The following HS3ST3A1 variants were observed in gnomAD, a reference collection of about 807,000 sequenced individuals.
HS3ST3A1 encodes heparan sulfate glucosamine 3-O-sulfotransferase 3A1.
In HS3ST3A1, 19 loss-of-function variants were observed where a neutral mutation model predicts 25.7. That is an observed-to-expected ratio of 0.74 (90% confidence interval 0.52 to 1.08). The LOEUF is 1.08. Ranked by LOEUF, HS3ST3A1 falls within the 50% of genes least tolerant of loss-of-function variation. HS3ST3A1 has a pLI of 0.00. For missense variants in HS3ST3A1, 459 were observed against 594.3 expected, an observed-to-expected ratio of 0.77 and a Z score of 2.37; for synonymous variants, 226 against 278.6, an observed-to-expected ratio of 0.81 and a Z score of 1.88.
intron 1 of HS3ST3A1, among the ~76,000 whole-genome samples, chr17:13,580,757 G>A (rs1908089914): frequency 6.6e-6 from 1 of 152,114 alleles, no homozygotes; most frequent in Middle Eastern, 3.2e-3. Context: ...CGGACGTGGT[G>A]ACACATGCCT....
At chr17:13,508,522 T>C (rs1303324806) in intron 1 of HS3ST3A1, among the ~76,000 whole-genome samples, 1 of 152,224 alleles carries the variant, frequency 6.6e-6, no homozygotes, top group Non-Finnish European at 1.5e-5. Flanking sequence ...TTCTCTTTCA[T>C]TGACTCTTAG....
At chr17:13,562,785 C>G (rs1907581782) in intron 1 of HS3ST3A1, among the ~76,000 whole-genome samples, 1 of 152,090 alleles carries the variant, frequency 6.6e-6, no homozygotes, top group South Asian at 2.1e-4. Context: ...CAGGAGCCAG[C>G]GTTTATGAAG....
intron 1 of HS3ST3A1, among the ~76,000 whole-genome samples, chr17:13,562,413 G>A (rs988659522): frequency 7.2e-5 from 11 of 152,126 alleles, no homozygotes; most frequent in African/African-American, 1.9e-4. Context: ...GGGCACACAC[G>A]AGGGACAGCG....
At chr17:13,575,309 G>A (rs1598430707) in intron 1 of HS3ST3A1, among the ~76,000 whole-genome samples, 1 of 152,158 alleles carries the variant, frequency 6.6e-6, no homozygotes, top group African/African-American at 2.4e-5. Flanking sequence ...TAATGGATGA[G>A]GTCAGAAAGA....
intron 1 of HS3ST3A1, among the ~76,000 whole-genome samples, chr17:13,566,172 G>A (rs115670948): frequency 6.6e-6 from 1 of 152,118 alleles, no homozygotes; most frequent in Non-Finnish European, 1.5e-5. Context: ...ATGCTCACAT[G>A]CTGTGTCTCT....
intron 1 of HS3ST3A1, among the ~76,000 whole-genome samples, chr17:13,528,180 G>A (rs34480904): frequency 0.11 from 16,137 of 152,202 alleles, 1,048 homozygotes; most frequent in Non-Finnish European, 0.15. Flanking sequence ...GTAATGTGAA[G>A]GCTGCACTGC....
In HS3ST3A1 at chr17:13,589,812, C is replaced by T. The variant is rs912482712; in HGVS notation, c.599+10719G>A. On this transcript the variant is annotated intron_variant, in intron 1 of 1. Transcript: ENST00000284110. Reference sequence around the variant, plus strand: ...ACATGGCTTCCGTTTAGAAAGGTGACGAGGGGAGCAGTTAGCTCCGGGAAT... The same window carrying T: ...ACATGGCTTCCGTTTAGAAAGGTGATGAGGGGAGCAGTTAGCTCCGGGAAT... Among the ~76,000 whole-genome samples the T allele has an allele frequency of 3.9e-5, 6 of 152,234 alleles. No homozygotes were observed. In the South Asian group the frequency reaches 6.2e-4, roughly 16 times the overall value.
intron 1 of HS3ST3A1, among the ~76,000 whole-genome samples, chr17:13,579,109 A>T (rs1290219806): frequency 6.6e-6 from 1 of 152,132 alleles, no homozygotes; most frequent in Non-Finnish European, 1.5e-5. Flanking sequence ...TTTTAATGAA[A>T]TTTTTTGTCT....
At chr17:13,546,953 C>T (rs574314834) in intron 1 of HS3ST3A1, among the ~76,000 whole-genome samples, 1 of 152,310 alleles carries the variant, frequency 6.6e-6, no homozygotes, top group African/African-American at 2.4e-5. Context: ...CAGTATAAAA[C>T]TTCATATGGT....
chr17:13,529,473 A>C (rs1204560072), intron 1 of HS3ST3A1, among the ~76,000 whole-genome samples: 1 of 152,152 alleles, frequency 6.6e-6, no homozygotes, highest in African/African-American at 2.4e-5. Context: ...AAATTACCAA[A>C]CTGCATTCCA....
At chr17:13,519,756 A>G (rs1567612783) in intron 1 of HS3ST3A1, among the ~76,000 whole-genome samples, 1 of 152,078 alleles carries the variant, frequency 6.6e-6, no homozygotes, top group Non-Finnish European at 1.5e-5. Context: ...AAATTTAATT[A>G]TTGTTTTAAT....
chr17:13,519,454 T>C (rs1342000470), intron 1 of HS3ST3A1, among the ~76,000 whole-genome samples: 1 of 152,184 alleles, frequency 6.6e-6, no homozygotes, highest in Non-Finnish European at 1.5e-5. Context: ...ATTATGTCTA[T>C]TTTGAAGAGG....
chr17:13,551,611 C>T (rs1317202892), intron 1 of HS3ST3A1, among the ~76,000 whole-genome samples: 1 of 94,000 alleles, frequency 1.1e-5, no homozygotes, highest in Non-Finnish European at 2.3e-5. Flanking sequence ...AAATTTCATT[C>T]CAAGAAAAAA....
intron 1 of HS3ST3A1, among the ~76,000 whole-genome samples, chr17:13,587,369 G>T (rs143624952): frequency 6.6e-6 from 1 of 152,174 alleles, no homozygotes; most frequent in Non-Finnish European, 1.5e-5. Context: ...CAGGAGAATC[G>T]CTTGAACCCA....
chr17:13,563,634 A>T (rs1567624800), intron 1 of HS3ST3A1, among the ~76,000 whole-genome samples: 1 of 152,094 alleles, frequency 6.6e-6, no homozygotes, highest in African/African-American at 2.4e-5. Context: ...TAGCTCTGAC[A>T]CTCTCTAACT....
At chr17:13,547,293 T>C (rs1247141219) in intron 1 of HS3ST3A1, among the ~76,000 whole-genome samples, 1 of 152,150 alleles carries the variant, frequency 6.6e-6, no homozygotes, top group African/African-American at 2.4e-5. Flanking sequence ...AATAAGTGCC[T>C]TTTGCAAGTA....
At chr17:13,529,707 T>C (rs1219159311) in intron 1 of HS3ST3A1, among the ~76,000 whole-genome samples, 2 of 152,200 alleles carry the variant, frequency 1.3e-5, no homozygotes, top group African/African-American at 4.8e-5. Flanking sequence ...TCAAGAAAGA[T>C]ATGGAAATAA....
chr17:13,504,613 CT>C (rs1905596905), intron 1 of HS3ST3A1, among the ~76,000 whole-genome samples: 1 of 152,078 alleles, frequency 6.6e-6, no homozygotes, highest in African/African-American at 2.4e-5. Context: ...GATTTGTGTC[CT>C]TTTTTCTATT....
intron 1 of HS3ST3A1, among the ~76,000 whole-genome samples, chr17:13,592,004 T>C (rs1284811573): frequency 6.6e-6 from 1 of 152,152 alleles, no homozygotes; most frequent in Non-Finnish European, 1.5e-5. Context: ...AAGATCAGAA[T>C]GTCCAAGTCA....
Sources: gnomAD v4.1 joint callset for allele counts (sites outside exome capture counted in the v4.1 genomes callset) on GRCh38, gnomAD v4.1.1 for gene constraint, MANE v1.5 for transcripts, NCBI Gene and HGNC (gene_info 2026-07-23, HGNC 2026-07-21) for gene names.